The following PCDH11X variants were observed in gnomAD, a reference collection of about 807,000 sequenced individuals.
The protein encoded by PCDH11X is protocadherin 11 X-linked, also known as protocadherin-11 X-linked.
PCDH11X carries 18 observed loss-of-function variants against 53.3 expected under a neutral mutation model. That is an observed-to-expected ratio of 0.34 (90% CI 0.23 to 0.50). The LOEUF is 0.50. Among genes scored for constraint, PCDH11X ranks in the 20% least tolerant of loss-of-function variants. The pLI, the probability that PCDH11X is intolerant of heterozygous loss-of-function variation, is 0.98. For missense variants in PCDH11X, 570 were observed against 1,032.4 expected, an observed-to-expected ratio of 0.55 and a Z score of 6.14; for synonymous variants, 279 against 393.3, an observed-to-expected ratio of 0.71 and a Z score of 3.44.
intron 7 of PCDH11X, among the ~76,000 whole-genome samples, chrX:92,214,744 G>A (rs1013549232): frequency 1.6e-4 from 18 of 111,418 alleles, no homozygotes; most frequent in Non-Finnish European, 3.4e-4. Context: ...AGTGAGACTG[G>A]GCCTGTTAAA....
Position 92,109,412 on chromosome X carries a change from T to C in PCDH11X, c.3034-91963T>C, listed in dbSNP as rs755949149. The stretch of plus-strand genomic sequence containing the variant: ...TTAAGATAACTTGGCAGTAGGGGCT[T>C]GGGAAGTGGGAAGTACTGATTGTTC... On this transcript the variant is annotated intron_variant, in intron 6 of 10. Coordinates refer to ENST00000682573, the MANE Select transcript of PCDH11X (RefSeq NM_032968.5). Among the ~76,000 whole-genome samples, 12 of 109,915 alleles carry C rather than the reference T, an allele frequency of 1.1e-4. No individual in the cohort carries two copies. The South Asian group carries it at 3.6e-3, about 33-fold the overall frequency.
chrX:92,478,195 C>A (rs1043674450), intron 10 of PCDH11X, among the ~76,000 whole-genome samples: 1 of 111,418 alleles, frequency 9.0e-6, no homozygotes, highest in African/African-American at 3.3e-5. Flanking sequence ...GCCTACCCAG[C>A]CATGTGGAAC....
intron 9 of PCDH11X, among the ~76,000 whole-genome samples, chrX:92,425,880 AAGG>A (rs1353088131): frequency 1.2e-5 from 1 of 81,541 alleles, no homozygotes; most frequent in Non-Finnish European, 2.4e-5. Flanking sequence ...TATTTCAAGA[AAGG>A]AGAAGCATGA....
chrX:92,502,970 T>C (rs2073986019), intron 10 of PCDH11X, among the ~76,000 whole-genome samples: 1 of 107,365 alleles, frequency 9.3e-6, no homozygotes, highest in African/African-American at 3.4e-5. Context: ...AATTTCTTAA[T>C]GTAGCCACCT....
At chrX:92,289,405 C>T (rs145733094) in intron 8 of PCDH11X, among the ~76,000 whole-genome samples, 1,395 of 111,503 alleles carry the variant, frequency 0.013, 27 homozygotes, top group African/African-American at 0.043. Context: ...AGGGCTAAAA[C>T]GTAGCTTCTG....
At chrX:92,542,559 G>A (rs1185312267) in intron 10 of PCDH11X, among the ~76,000 whole-genome samples, 11 of 110,494 alleles carry the variant, frequency 1.0e-4, no homozygotes, top group African/African-American at 3.6e-4. Context: ...AGTTTTGTGG[G>A]ATTCACAATA....
chrX:92,148,087 T>C (rs1213316006), intron 6 of PCDH11X, among the ~76,000 whole-genome samples: 1 of 18,261 alleles, frequency 5.5e-5, no homozygotes, highest in South Asian at 2.8e-3. Flanking sequence ...TCTTTCTTTC[T>C]TTCTTTCTTT....
chrX:91,939,785 T>A (rs1346125430), intron 6 of PCDH11X, among the ~76,000 whole-genome samples: 2 of 110,783 alleles, frequency 1.8e-5, no homozygotes, highest in African/African-American at 3.3e-5. Context: ...ATAAAGATAT[T>A]TCCAACATAC....
At chrX:92,036,458 A>T (rs1278408800) in intron 6 of PCDH11X, among the ~76,000 whole-genome samples, 1 of 109,053 alleles carries the variant, frequency 9.2e-6, no homozygotes, top group African/African-American at 3.4e-5. Flanking sequence ...GTCTTACGAG[A>T]TTCGATGGTT....
intron 4 of PCDH11X, among the ~76,000 whole-genome samples, chrX:91,828,677 T>A (rs1569400091): frequency 9.0e-6 from 1 of 111,590 alleles, no homozygotes; most frequent in Non-Finnish European, 1.9e-5. Context: ...GTAAGATTGG[T>A]TTTAAAAGGT....
At chrX:92,271,825 C>G (rs1025004446) in intron 8 of PCDH11X, among the ~76,000 whole-genome samples, 1 of 111,870 alleles carries the variant, frequency 8.9e-6, no homozygotes, top group Non-Finnish European at 1.9e-5. Flanking sequence ...AATTAAAGTA[C>G]TAGAATTTTA....
chrX:91,983,338 G>A, intron 6 of PCDH11X: 1 of 1,094,194 alleles, frequency 9.1e-7, no homozygotes, highest in South Asian at 1.8e-5. Context: ...TTTCCAGACT[G>A]CCCGTCACTT....
chrX:92,347,912 A>AT (rs1310740373), intron 8 of PCDH11X, among the ~76,000 whole-genome samples: 1 of 111,755 alleles, frequency 8.9e-6, no homozygotes, highest in Non-Finnish European at 1.9e-5. Flanking sequence ...GACAAATATC[A>AT]TTTTTGTTTA....
chrX:92,228,401 A>T (rs1292639277), intron 7 of PCDH11X, among the ~76,000 whole-genome samples: 2 of 111,661 alleles, frequency 1.8e-5, no homozygotes, highest in South Asian at 7.4e-4. Flanking sequence ...CCATGTCATG[A>T]CATCTACATT....
chrX:91,995,227 A>C (rs1476401127), intron 6 of PCDH11X, among the ~76,000 whole-genome samples: 2 of 107,621 alleles, frequency 1.9e-5, no homozygotes, highest in Non-Finnish European at 3.8e-5. Flanking sequence ...AAAAAAAAAA[A>C]ACAAAAAAAC....
chrX:91,987,219 G>A (rs1049756964), intron 6 of PCDH11X, among the ~76,000 whole-genome samples: 6 of 110,866 alleles, frequency 5.4e-5, no homozygotes, highest in African/African-American at 2.0e-4. Context: ...CAAGCAGCTG[G>A]TATTACAGGT....
Position 91,879,192 on chromosome X carries a change from C to G in PCDH11X, c.2952C>G (p.Ser984Arg). The G allele has an allele frequency of 1.7e-6, 2 of 1,211,850 alleles. No individual in the cohort carries two copies. Among genetic ancestry groups the G allele is most frequent in the East Asian group, 5.9e-5 (2 of 33,845 alleles). ...ACTCTATCTCCAAGTGTTCCTCAAGCAGTTCAGATCCCTACAGCGTTTCTG... is the reference window on the plus strand; with the variant it reads ...ACTCTATCTCCAAGTGTTCCTCAAGGAGTTCAGATCCCTACAGCGTTTCTG... ...ACDSISKCSS[S>R]SSDPYSVSDC... is the part of the protein sequence containing the mutation. Residue 984 changes from serine to arginine, a missense_variant, in exon 6 of 11, where the codon AGC becomes AGG. Coordinates refer to ENST00000682573, the MANE Select transcript of PCDH11X (RefSeq NM_032968.5).
chrX:92,578,385 T>C (rs1361614348), intron 10 of PCDH11X, among the ~76,000 whole-genome samples: 1 of 110,475 alleles, frequency 9.1e-6, no homozygotes, highest in Non-Finnish European at 1.9e-5. Context: ...GATCTCTCAC[T>C]ATTATTGTGT....
chrX:91,826,084 G>A (rs1333382047), intron 4 of PCDH11X, among the ~76,000 whole-genome samples: 26 of 111,093 alleles, frequency 2.3e-4, no homozygotes, highest in African/African-American at 8.2e-4. Flanking sequence ...TATTTTGAAT[G>A]CCCAAATTGA....
Sources: allele counts gnomAD v4.1 joint callset (sites outside exome capture counted in the v4.1 genomes callset), GRCh38; gene constraint gnomAD v4.1.1; transcripts MANE v1.5; gene names NCBI Gene and HGNC (gene_info 2026-07-23, HGNC 2026-07-21).